Variants in LRRFIP1 observed in about 807,000 individuals in gnomAD.
LRRFIP1 encodes the protein LRR binding FLII interacting protein 1.
Under a neutral mutation model 104.4 loss-of-function variants are expected in LRRFIP1, and 62 were observed. The observed-to-expected ratio is 0.59, with a 90% CI of 0.48 to 0.73. The LOEUF is 0.73. Ranked by LOEUF, LRRFIP1 falls within the 30% of genes least tolerant of loss-of-function variation. The pLI is 0.00. For synonymous variants in LRRFIP1, 300 were observed against 299.0 expected, an observed-to-expected ratio of 1.00 and a Z score of -0.03; for missense variants, 796 against 824.5, an observed-to-expected ratio of 0.97 and a Z score of 0.42.
intron 1 of LRRFIP1, among the ~76,000 whole-genome samples, chr2:237,666,785 T>TTC (rs1559501461): frequency 1.8e-5 from 1 of 57,032 alleles, no homozygotes. Context: ...CTCTGTCTCT[T>TTC]TCTTTCTCTT....
intron 1 of LRRFIP1, among the ~76,000 whole-genome samples, chr2:237,665,763 T>C (rs1575277167): frequency 6.6e-6 from 1 of 152,332 alleles, no homozygotes; most frequent in East Asian, 1.9e-4. Context: ...CAGTGCCACC[T>C]CCCTGCAGCA....
rs2087900190 is a variant in LRRFIP1, at chr2:237,661,311, G to A, written c.96+33571G>A. On this transcript the variant is annotated intron_variant, in intron 1 of 23. Transcript: ENST00000308482. The surrounding 1 kb of genome is among the most constrained non-coding windows in gnomAD (Gnocchi z 4.4). ...AATTCTGGAGGACACAGTGGGGTGG[G>A]CCACATAATGGAGGCTGGACTGTGT... Among the ~76,000 whole-genome samples, 1 of 152,138 alleles carries A rather than the reference G, an allele frequency of 6.6e-6. No homozygotes were observed.
At chr2:237,634,478 G>A (rs1028133770) in intron 1 of LRRFIP1, among the ~76,000 whole-genome samples, 1 of 152,192 alleles carries the variant, frequency 6.6e-6, no homozygotes, top group African/African-American at 2.4e-5. Flanking sequence ...CTTATACCAT[G>A]ACTTAGGGCA....
chr2:237,749,671 A>G (rs2058338826), intron 13 of LRRFIP1, among the ~76,000 whole-genome samples: 1 of 152,160 alleles, frequency 6.6e-6, no homozygotes, highest in Non-Finnish European at 1.5e-5. Flanking sequence ...TCAGTCCACA[A>G]GTTTGGACAC....
chr2:237,682,007 G>A (rs886487809), intron 1 of LRRFIP1, among the ~76,000 whole-genome samples: 3 of 152,166 alleles, frequency 2.0e-5, no homozygotes, highest in Non-Finnish European at 4.4e-5. Flanking sequence ...GGGAATAGCA[G>A]TAAAGCAACA....
At chr2:237,675,518 G>A (rs187885137) in intron 1 of LRRFIP1, among the ~76,000 whole-genome samples, 157 of 152,300 alleles carry the variant, frequency 1.0e-3, no homozygotes, top group Non-Finnish European at 7.3e-4. Context: ...AGAGAGCTGA[G>A]AGCAGTTGCC....
intron 1 of LRRFIP1, among the ~76,000 whole-genome samples, chr2:237,664,259 A>C (rs913812619): frequency 6.6e-6 from 1 of 152,190 alleles, no homozygotes; most frequent in African/African-American, 2.4e-5. Context: ...CAAGCCAGGG[A>C]GATTGAGTTC....
At chr2:237,651,998 A>G (rs2086013321) in intron 1 of LRRFIP1, among the ~76,000 whole-genome samples, 1 of 152,102 alleles carries the variant, frequency 6.6e-6, no homozygotes, top group Non-Finnish European at 1.5e-5. Flanking sequence ...TTTTGCTCCT[A>G]GGTGGTGCTG....
intron 1 of LRRFIP1, among the ~76,000 whole-genome samples, chr2:237,665,080 A>G (rs538371823): frequency 6.6e-6 from 1 of 152,218 alleles, no homozygotes; most frequent in Non-Finnish European, 1.5e-5. Flanking sequence ...TTACTTATTC[A>G]TGAAAGCATT....
At chr2:237,647,589 G>A (rs1033990414) in intron 1 of LRRFIP1, among the ~76,000 whole-genome samples, 4 of 151,616 alleles carry the variant, frequency 2.6e-5, no homozygotes, top group South Asian at 2.1e-4. Flanking sequence ...CCGGGCACTC[G>A]CTGCATGCAG....
At chr2:237,771,674 G>A (rs908188213) in intron 20 of LRRFIP1, among the ~76,000 whole-genome samples, 1 of 151,146 alleles carries the variant, frequency 6.6e-6, no homozygotes, top group African/African-American at 2.4e-5. Context: ...GAACACACCT[G>A]CAGCTGGCCT....
Position 237,749,332 on chromosome 2 carries a change from G to T in LRRFIP1, c.795+8G>T. The T allele has an allele frequency of 2.5e-6, 4 of 1,612,758 alleles. No individual in the cohort carries two copies. Among genetic ancestry groups the T allele is most frequent in the Non-Finnish European group, 3.4e-6 (4 of 1,179,788 alleles). On this transcript the variant is annotated splice_region_variant and intron_variant, in intron 13 of 23. Coordinates refer to ENST00000308482, the MANE Select transcript of LRRFIP1 (RefSeq NM_001137550.2). ...TCCATCAGGGAAATCAAGGTGAGAT[G>T]CTCTCTTCTTACTGACAACTTGAGA...
At position 237,781,081 on chromosome 2, in the gene LRRFIP1, T is replaced by C. The variant is rs1207724022; in HGVS notation, c.*1549T>C. ...GCTGGACGAAGCCCCTCAGGGACCC[T>C]GTGCTGACCATGCTGGGCCCACCGG... On this transcript the variant is annotated 3_prime_UTR_variant, in exon 24 of 24. Coordinates refer to ENST00000308482, the MANE Select transcript of LRRFIP1 (RefSeq NM_001137550.2). Among the ~76,000 whole-genome samples the C allele has an allele frequency of 2.6e-5, 4 of 151,808 alleles. No homozygotes were observed. Among genetic ancestry groups the C allele is most frequent in the African/African-American group, 9.7e-5 (4 of 41,064 alleles).
At chr2:237,720,025 G>A (rs527493673) in intron 5 of LRRFIP1, among the ~76,000 whole-genome samples, 11 of 139,212 alleles carry the variant, frequency 7.9e-5, no homozygotes, top group African/African-American at 3.0e-4. Flanking sequence ...TTGGCTCACT[G>A]CAACCTCCAC....
intron 1 of LRRFIP1, among the ~76,000 whole-genome samples, chr2:237,632,352 C>T (rs770965644): frequency 3.3e-5 from 5 of 152,184 alleles, no homozygotes; most frequent in Non-Finnish European, 5.9e-5. Context: ...TTTCCTGCTC[C>T]GGAGCTCTCT....
At chr2:237,744,870 G>A (rs1030971062) in intron 11 of LRRFIP1, among the ~76,000 whole-genome samples, 3 of 152,236 alleles carry the variant, frequency 2.0e-5, no homozygotes, top group African/African-American at 4.8e-5. Flanking sequence ...GTGCTTTCCC[G>A]TCCTGGGCTA....
chr2:237,771,551 TC>T (rs772060776), intron 20 of LRRFIP1, among the ~76,000 whole-genome samples: 3,809 of 49,652 alleles, frequency 0.077, 28 homozygotes, highest in Middle Eastern at 0.24. Context: ...CTGGAACCAA[TC>T]CCCCCCCCCC....
chr2:237,708,817 C>A, intron 2 of LRRFIP1, 187 bp downstream of exon 2: 2 of 727,064 alleles, frequency 2.8e-6, no homozygotes, highest in African/African-American at 1.7e-5. Flanking sequence ...GGATACCAGG[C>A]GTGCCTGCTC....
intron 11 of LRRFIP1, among the ~76,000 whole-genome samples, chr2:237,746,708 C>T (rs954328724): frequency 6.6e-6 from 1 of 152,208 alleles, no homozygotes; most frequent in Non-Finnish European, 1.5e-5. Flanking sequence ...TGGAGAGAGC[C>T]GTCTTCACTG....
Sources: allele counts gnomAD v4.1 joint callset (sites outside exome capture counted in the v4.1 genomes callset), GRCh38; gene constraint gnomAD v4.1.1; non-coding constraint Gnocchi (gnomAD v3.1); transcripts MANE v1.5; gene names NCBI Gene and HGNC (gene_info 2026-07-23, HGNC 2026-07-21).